Variants in RIMS2 observed in about 807,000 individuals in gnomAD.
RIMS2 encodes regulating synaptic membrane exocytosis protein 2.
RIMS2 carries 59 observed loss-of-function variants against 174.4 expected under a neutral mutation model. That is an observed-to-expected ratio of 0.34 (90% CI 0.27 to 0.42). The LOEUF is 0.42. Ranked by LOEUF, RIMS2 falls within the 10% of genes least tolerant of loss-of-function variation. The pLI, the probability that RIMS2 is intolerant of heterozygous loss-of-function variation, is 1.00. For missense variants in RIMS2, 1,620 were observed against 1,666.3 expected (o/e 0.97, Z 0.48); for synonymous variants, 606 against 572.5 (o/e 1.06, Z -0.84).
chr8:104,242,393 A>G (rs2099305370), intron 19 of RIMS2, among the ~76,000 whole-genome samples: 1 of 152,178 alleles, frequency 6.6e-6, no homozygotes, highest in Admixed American at 6.5e-5. Flanking sequence ...CTAATGTCAA[A>G]TGCATATTCA....
intron 19 of RIMS2, among the ~76,000 whole-genome samples, chr8:104,052,586 G>A (rs1054400588): frequency 6.6e-6 from 1 of 152,156 alleles, no homozygotes; most frequent in Non-Finnish European, 1.5e-5. Context: ...TCCAAGAATA[G>A]GCAAGACAGT....
chr8:103,765,380 A>G (rs2098159051), intron 2 of RIMS2, among the ~76,000 whole-genome samples: 1 of 152,132 alleles, frequency 6.6e-6, no homozygotes, highest in Non-Finnish European at 1.5e-5. Context: ...GGAGGAGAGG[A>G]AAAGGGCTGT....
chr8:104,098,191 GTTAA>G (rs1330774227), intron 19 of RIMS2, among the ~76,000 whole-genome samples: 8 of 151,714 alleles, frequency 5.3e-5, no homozygotes, highest in East Asian at 3.9e-4. Context: ...TTTTTCCTAA[GTTAA>G]TTAATGAGTA....
At position 104,041,171 on chromosome 8, in the gene RIMS2, T is replaced by C. The variant is rs190104481; in HGVS notation, c.3334+26556T>C. Reference sequence around the variant, plus strand: ...CAGTTCTTACGTATTTTTTGTGGAATGCATTTGATTATATCTTCCCTAAAA... The same window carrying C: ...CAGTTCTTACGTATTTTTTGTGGAACGCATTTGATTATATCTTCCCTAAAA... On this transcript the variant is annotated intron_variant, in intron 19 of 23. Transcript: ENST00000504942. Among the ~76,000 whole-genome samples, 362 of 151,790 alleles carry C rather than the reference T, an allele frequency of 2.4e-3. 2 individuals are homozygous for C. Among genetic ancestry groups the C allele is most frequent in the African/African-American group, 7.2e-3 (298 of 41,524 alleles).
chr8:103,993,998 C>T (rs2094901734), intron 17 of RIMS2, among the ~76,000 whole-genome samples: 1 of 146,572 alleles, frequency 6.8e-6, no homozygotes, highest in Admixed American at 7.0e-5. Flanking sequence ...CTGCAGTGAG[C>T]TGAGATCGCA....
intron 3 of RIMS2, among the ~76,000 whole-genome samples, chr8:103,836,419 A>C (rs763040162): frequency 3.3e-5 from 5 of 152,134 alleles, no homozygotes; most frequent in Non-Finnish European, 7.4e-5. Flanking sequence ...AAAAATAGCC[A>C]GTCATGGTGT....
chr8:103,716,309 G>A (rs1044392361), intron 2 of RIMS2: 3 of 151,886 alleles, frequency 2.0e-5, no homozygotes, highest in East Asian at 1.9e-4. Context: ...TTCACTCCAG[G>A]AGGACAAAGT....
rs199997824 is a variant in RIMS2 at position 103,876,864 on chromosome 8, TTATATATA to T, written c.699-8395_699-8388del. Among the ~76,000 whole-genome samples, 659 of 68,012 alleles carry T rather than the reference TTATATATA, an allele frequency of 9.7e-3. 12 individuals carry two copies. Among genetic ancestry groups the T allele is most frequent in the African/African-American group, 0.026 (567 of 21,418 alleles). The allele number at this position is 68,012 out of a possible 152,430, so 44.6% of individuals were successfully genotyped here. A position where few individuals can be genotyped will look rare whatever the true frequency, so the allele number is the denominator to read the frequency against. On this transcript the variant is annotated intron_variant, in intron 3 of 23. Coordinates refer to ENST00000504942, the Ensembl canonical transcript of RIMS2. ...TGTATATATACACACACACACTATT[TTATATATA>T]TATATATATATATATATATATATAT...
At chr8:103,555,374 G>A (rs1849936744) in intron 1 of RIMS2, among the ~76,000 whole-genome samples, 1 of 152,078 alleles carries the variant, frequency 6.6e-6, no homozygotes, top group Non-Finnish European at 1.5e-5. Flanking sequence ...ATATGTTTTG[G>A]AAATTATGTT....
intron 1 of RIMS2, among the ~76,000 whole-genome samples, chr8:103,601,448 A>G (rs913399191): frequency 6.6e-6 from 1 of 151,972 alleles, no homozygotes; most frequent in Non-Finnish European, 1.5e-5. Context: ...TACAGTTTTT[A>G]TCTTGAAATC....
chr8:103,561,557 A>G (rs796675577), intron 1 of RIMS2, among the ~76,000 whole-genome samples: 23 of 152,342 alleles, frequency 1.5e-4, no homozygotes, highest in African/African-American at 5.1e-4. Context: ...TTGTTTAAAA[A>G]AAACCCCCAA....
At chr8:104,120,230 T>C (rs1307122133) in intron 19 of RIMS2, among the ~76,000 whole-genome samples, 1 of 152,198 alleles carries the variant, frequency 6.6e-6, no homozygotes, top group Non-Finnish European at 1.5e-5. Context: ...AATGTAAACA[T>C]TTAACATTTA....
At chr8:103,567,894 A>AT (rs1339105742) in intron 1 of RIMS2, among the ~76,000 whole-genome samples, 3 of 152,070 alleles carry the variant, frequency 2.0e-5, no homozygotes, top group Non-Finnish European at 1.5e-5. Flanking sequence ...TTTGCCTTGC[A>AT]TTTCTCTAAT....
chr8:103,770,307 G>A (rs911764418), intron 3 of RIMS2, among the ~76,000 whole-genome samples: 7 of 152,210 alleles, frequency 4.6e-5, no homozygotes, highest in Admixed American at 3.9e-4. Context: ...CGGGTGCAAT[G>A]GCTTATGCCT....
intron 19 of RIMS2, among the ~76,000 whole-genome samples, chr8:104,199,633 G>C (rs927550033): frequency 2.0e-4 from 30 of 152,192 alleles, no homozygotes; most frequent in Non-Finnish European, 4.0e-4. Flanking sequence ...AGAGTAGGAA[G>C]GCATGCCTGT....
At chr8:103,502,017 A>T (rs1332914192) in intron 1 of RIMS2, among the ~76,000 whole-genome samples, 2 of 152,188 alleles carry the variant, frequency 1.3e-5, no homozygotes, top group African/African-American at 4.8e-5. Flanking sequence ...TTTTATGGTT[A>T]TTTGATTTCT....
chr8:104,164,918 T>C (rs2098787852), intron 19 of RIMS2, among the ~76,000 whole-genome samples: 1 of 152,154 alleles, frequency 6.6e-6, no homozygotes, highest in Non-Finnish European at 1.5e-5. Flanking sequence ...TGTTTACCTA[T>C]GTAACAAACC....
chr8:103,568,571 T>C, intron 1 of RIMS2: 1 of 494,010 alleles, frequency 2.0e-6, no homozygotes. Context: ...AGACTGGCCA[T>C]GGGTACTACT....
intron 1 of RIMS2, among the ~76,000 whole-genome samples, chr8:103,639,652 C>A (rs2096179954): frequency 6.6e-6 from 1 of 151,848 alleles, no homozygotes; most frequent in African/African-American, 2.4e-5. Context: ...GAGTAGTATT[C>A]TCTTGTATGG....
Sources: allele counts gnomAD v4.1 joint callset (sites outside exome capture counted in the v4.1 genomes callset), GRCh38; gene constraint gnomAD v4.1.1; transcripts MANE v1.5; gene names NCBI Gene and HGNC (gene_info 2026-07-23, HGNC 2026-07-21).